Variants in TXNDC5 observed in about 807,000 individuals in gnomAD.
The protein encoded by TXNDC5 is thioredoxin domain containing 5.
TXNDC5 carries 44 observed loss-of-function variants against 52.6 expected under a neutral mutation model. The observed-to-expected ratio is 0.84, with a 90% CI of 0.66 to 1.08. The LOEUF (loss-of-function observed/expected upper bound fraction) is 1.08. TXNDC5 is among the 50% of genes least tolerant of loss of function. TXNDC5 has a pLI of 0.00. For synonymous variants in TXNDC5, 241 were observed against 234.4 expected (o/e 1.03, Z -0.26); for missense variants, 600 against 565.5 (o/e 1.06, Z -0.62).
At position 7,906,535 on chromosome 6, in the gene TXNDC5, C is replaced by CAAAAAAAAA. The variant is rs1207193194; in HGVS notation, c.264-1821_264-1813dup. ...TGGGCGATAGAGCAAGACTCCATCTCAAAAAAAAAAAAAAAAAAAAAAGAA... is the reference window on the plus strand; with the variant it reads ...TGGGCGATAGAGCAAGACTCCATCTCAAAAAAAAAAAAAAAAAAAAAAAAAAAAAAAGAA... On this transcript the variant is annotated intron_variant, in intron 1 of 9. Transcript: ENST00000379757. Among the ~76,000 whole-genome samples, 52 of 42,398 alleles carry CAAAAAAAAA rather than the reference C, an allele frequency of 1.2e-3. 2 individuals are homozygous for CAAAAAAAAA. Among genetic ancestry groups the CAAAAAAAAA allele is most frequent in the East Asian group, 4.5e-3 (6 of 1,340 alleles). The allele number at this position is 42,398 out of a possible 152,430, so 27.8% of individuals were successfully genotyped here.
chr6:7,910,216 C>T, intron 1 of TXNDC5: 2 of 924,886 alleles, frequency 2.2e-6, no homozygotes, highest in Non-Finnish European at 2.6e-6. Flanking sequence ...GACCCGGAGC[C>T]CCAAGCCCTC....
intron 5 of TXNDC5, among the ~76,000 whole-genome samples, chr6:7,889,787 C>A (rs1760128767): frequency 6.6e-6 from 1 of 152,186 alleles, no homozygotes; most frequent in Non-Finnish European, 1.5e-5. Context: ...AAAGGAAAGA[C>A]TTTAGAGGCA....
chr6:7,908,290 A>G (rs932517340), intron 1 of TXNDC5, among the ~76,000 whole-genome samples: 1 of 151,346 alleles, frequency 6.6e-6, no homozygotes, highest in Non-Finnish European at 1.5e-5. Flanking sequence ...TCAAAAAAAA[A>G]AAAAAAAAAA....
At chr6:7,887,349 G>A (rs1760018780) in intron 7 of TXNDC5, among the ~76,000 whole-genome samples, 2 of 152,168 alleles carry the variant, frequency 1.3e-5, no homozygotes, top group South Asian at 4.1e-4. Flanking sequence ...AACTGCCACT[G>A]GACACTGCCA....
At position 7,910,621 on chromosome 6, in the gene TXNDC5, TGCCGCGGGGGGCCCGTCC is replaced by T; in HGVS notation, c.138_155del (p.Pro49_Gly54del). On this transcript the variant is annotated inframe_deletion, in exon 1 of 10. Transcript: ENST00000379757. ...GCGGGTCCTGTCCGTCCTCGCCGTCTGCCGCGGGGGGCCCGTCCGCCGCCGCCGCCGCCGCCTCCTGGG... is the reference window on the plus strand; with the variant it reads ...GCGGGTCCTGTCCGTCCTCGCCGTCTGCCGCCGCCGCCGCCGCCTCCTGGG... 3.8e-6 allele frequency: 5 copies of T among 1,300,802 alleles called. No homozygotes were observed. Among genetic ancestry groups the T allele is most frequent in the Non-Finnish European group, 5.0e-6 (5 of 1,001,946 alleles). 80.6% of individuals were successfully genotyped at this position (1,300,802 alleles called of 1,614,324 possible).
rs1304675056 is a variant in TXNDC5, at chr6:7,888,748, G to A, written c.920C>T (p.Pro307Leu). ...TETGATETVT[P>L]SEAPVLAAEP... ...AGCTGCCAGCACCGGGGCCTCTGAG[G>A]GCGTGACGGTCTCCGTCGCTCCAGT... Residue 307 changes from proline (P) to leucine (L), a missense_variant, in exon 7 of 10, where the codon CCC (proline) becomes CTC (leucine). By Grantham distance (98) the Pro-to-Leu change is moderately conservative. Transcript: ENST00000379757. The A allele has an allele frequency of 4.3e-6, 7 of 1,613,926 alleles. No individual in the cohort carries two copies. In the South Asian group the frequency reaches 4.4e-5, roughly 10 times the overall value.
chr6:7,899,971 C>T, intron 2 of TXNDC5: 1 of 220,482 alleles, frequency 4.5e-6, no homozygotes. Context: ...ACTCAGTGCT[C>T]CTCTGCAGCA....
At chr6:7,901,820 T>C (rs1052516874) in intron 2 of TXNDC5, among the ~76,000 whole-genome samples, 1 of 152,226 alleles carries the variant, frequency 6.6e-6, no homozygotes, top group African/African-American at 2.4e-5. Flanking sequence ...GCAAACAGCA[T>C]GATGAAAGTT....
chr6:7,891,677 T>C lies in TXNDC5; in HGVS notation c.676A>G (p.Thr226Ala), dbSNP rs766114665. The change falls in exon 5 of 10, where the codon ACC (threonine) becomes GCC (alanine). Residue 226 changes from threonine (T) to alanine (A), a missense_variant. Thr to Ala is a moderately conservative substitution (Grantham distance 58, BLOSUM62 0). Coordinates refer to ENST00000379757, the MANE Select transcript of TXNDC5 (RefSeq NM_030810.5). ...WCGHCKALAP[T>A]WEQLALGLEH... ...AGGCCCAGAGCCAGCTGCTCCCAGG[T>C]TGGAGCCAGGGCTTTGCAGTGACCA... The C allele has an allele frequency of 5.2e-5, 84 of 1,613,860 alleles. No individual in the cohort carries two copies. In the East Asian group the frequency reaches 1.7e-3, roughly 32 times the overall value.
chr6:7,890,610 T>C (rs187894936), intron 5 of TXNDC5, among the ~76,000 whole-genome samples: 2 of 152,322 alleles, frequency 1.3e-5, no homozygotes, highest in African/African-American at 4.8e-5. Flanking sequence ...TATTTTATAA[T>C]TACTTCCCCG....
At chr6:7,905,117 T>C (rs1460545180) in intron 1 of TXNDC5, among the ~76,000 whole-genome samples, 1 of 152,150 alleles carries the variant, frequency 6.6e-6, no homozygotes, top group Non-Finnish European at 1.5e-5. Flanking sequence ...TGGGACACAT[T>C]CTCTCTGACA....
chr6:7,895,885 T>G (rs982654930), intron 3 of TXNDC5, among the ~76,000 whole-genome samples: 6 of 152,084 alleles, frequency 3.9e-5, no homozygotes, highest in African/African-American at 1.2e-4. Context: ...CCCAGCTACT[T>G]GGGAGGCTGA....
At chr6:7,886,144 T>A in intron 7 of TXNDC5, 101 bp from the exon 8 acceptor site, 1 of 982,126 alleles carries the variant, frequency 1.0e-6, no homozygotes. Context: ...TTTTTAAAAA[T>A]GCAGTTACGT....
At chr6:7,893,924 G>A (rs1760283996) in intron 4 of TXNDC5, among the ~76,000 whole-genome samples, 1 of 152,224 alleles carries the variant, frequency 6.6e-6, no homozygotes, top group African/African-American at 2.4e-5. Context: ...GTCATTCGGT[G>A]TTGGGCCAAG....
chr6:7,890,935 T>A lies in TXNDC5; in HGVS notation c.732+686A>T, dbSNP rs192062565. On this transcript the variant is annotated intron_variant, in intron 5 of 9. Transcript: ENST00000379757. Reference sequence around the variant, plus strand: ...CCATCTCACCATCCCAAGTAGATCATCCTGTTAACCATCATTCAGTCCTAG... The same window carrying A: ...CCATCTCACCATCCCAAGTAGATCAACCTGTTAACCATCATTCAGTCCTAG... 2.2e-3 allele frequency among the ~76,000 whole-genome samples: 338 copies of A among 152,310 alleles called. 2 individuals carry two copies. The highest frequency in any genetic ancestry group is 6.6e-3 in the African/African-American group (275 of 41,572).
chr6:7,904,447 T>C, intron 2 of TXNDC5, 127 bp downstream of exon 2: 2 of 1,216,450 alleles, frequency 1.6e-6, no homozygotes, highest in South Asian at 3.0e-5. Flanking sequence ...AAATGCAGTT[T>C]CTCCCTAATG....
chr6:7,889,070 C>T (rs1760103860), intron 6 of TXNDC5: 1 of 560,938 alleles, frequency 1.8e-6, no homozygotes, highest in South Asian at 3.1e-5. Context: ...CACGGGGTTA[C>T]ACATCACAGA....
chr6:7,889,013 G>T, intron 6 of TXNDC5, 165 bp from the exon 7 acceptor site: 2 of 856,592 alleles, frequency 2.3e-6, no homozygotes, highest in Non-Finnish European at 3.4e-6. Context: ...GAGGATAACT[G>T]AATGCCTCGG....
chr6:7,890,530 A>T (rs1760154044), intron 5 of TXNDC5, among the ~76,000 whole-genome samples: 1 of 152,196 alleles, frequency 6.6e-6, no homozygotes, highest in African/African-American at 2.4e-5. Context: ...AACCTAAAAG[A>T]ATCTCCCATA....
Sources: gnomAD v4.1 joint callset for allele counts (sites outside exome capture counted in the v4.1 genomes callset) on GRCh38, gnomAD v4.1.1 for gene constraint, MANE v1.5 for transcripts, NCBI Gene and HGNC (gene_info 2026-07-23, HGNC 2026-07-21) for gene names.